The following XIRP2 variants were observed in gnomAD, a reference collection of about 807,000 sequenced individuals.
The protein encoded by XIRP2 is xin actin binding repeat containing 2.
A neutral mutation model predicts 277.0 loss-of-function variants in XIRP2; 236 were observed. That is an observed-to-expected ratio of 0.85 (90% CI 0.77 to 0.95). The LOEUF is 0.95. XIRP2 is among the 40% of genes least tolerant of loss of function. The pLI, the probability that XIRP2 is intolerant of heterozygous loss-of-function variation, is 0.00. For synonymous variants in XIRP2, 1,490 were observed against 1,416.5 expected (o/e 1.05, Z -1.17); for missense variants, 4,640 against 4,157.5 (o/e 1.12, Z -3.19).
chr2:167,033,348 T>A (rs1688418777), intron 2 of XIRP2, among the ~76,000 whole-genome samples: 1 of 151,794 alleles, frequency 6.6e-6, no homozygotes. Context: ...AGATGAGGGG[T>A]TAATGGGTGC....
intron 2 of XIRP2, among the ~76,000 whole-genome samples, chr2:167,091,188 T>C (rs577383804): frequency 1.3e-5 from 2 of 152,234 alleles, no homozygotes; most frequent in East Asian, 3.9e-4. Context: ...ATCTTCCTTA[T>C]GTTTATCATT....
At chr2:167,144,859 C>G (rs557913224) in intron 3 of XIRP2, among the ~76,000 whole-genome samples, 1 of 152,100 alleles carries the variant, frequency 6.6e-6, no homozygotes, top group Non-Finnish European at 1.5e-5. Flanking sequence ...CTAGATTTTG[C>G]ATAGAATAAT....
rs546521354 is a variant in XIRP2, at chr2:167,081,337, G to A, written c.409-54572G>A. ...AAAATTAAAAAACTTAGTTGGGCCT[G>A]TAGTCTGAGTTACTCAGGAAGCAGA... On this transcript the variant is annotated intron_variant, in intron 2 of 10. Coordinates refer to ENST00000409195, the MANE Select transcript of XIRP2 (RefSeq NM_152381.6). 1.3e-3 allele frequency among the ~76,000 whole-genome samples: 201 copies of A among 152,268 alleles called. 1 individual carries two copies. Among genetic ancestry groups the A allele is most frequent in the Non-Finnish European group, 1.7e-3 (116 of 68,020 alleles).
intron 3 of XIRP2, among the ~76,000 whole-genome samples, chr2:167,173,693 T>C (rs1427549586): frequency 6.6e-6 from 1 of 152,180 alleles, no homozygotes; most frequent in African/African-American, 2.4e-5. Flanking sequence ...TTTTAGGTTT[T>C]TGAGGAACCC....
intron 3 of XIRP2, among the ~76,000 whole-genome samples, chr2:167,137,868 CA>C (rs772221539): frequency 1.3e-5 from 2 of 151,928 alleles, no homozygotes; most frequent in East Asian, 1.9e-4. Context: ...TTAAAAGAAA[CA>C]AAATTCTTTC....
chr2:167,167,051 G>T (rs925661929), intron 3 of XIRP2, among the ~76,000 whole-genome samples: 3 of 152,068 alleles, frequency 2.0e-5, no homozygotes, highest in African/African-American at 7.2e-5. Context: ...ATATTGTTGT[G>T]TTGAACAACT....
chr2:166,937,529 T>C (rs1372319106), intron 2 of XIRP2, among the ~76,000 whole-genome samples: 1 of 152,202 alleles, frequency 6.6e-6, no homozygotes, highest in Non-Finnish European at 1.5e-5. Context: ...GCATCGATGT[T>C]CCTCAGGGAT....
intron 3 of XIRP2, among the ~76,000 whole-genome samples, chr2:167,168,226 AT>A (rs1328106492): frequency 6.6e-6 from 1 of 151,996 alleles, no homozygotes; most frequent in African/African-American, 2.4e-5. Flanking sequence ...ACTTTCTGAC[AT>A]TTATCTTGTT....
intron 2 of XIRP2, among the ~76,000 whole-genome samples, chr2:167,063,266 T>C (rs892835254): frequency 2.6e-5 from 4 of 152,018 alleles, no homozygotes; most frequent in African/African-American, 9.7e-5. Context: ...GTTCAGACAA[T>C]ATACTTTGTA....
At chr2:167,104,939 A>G (rs753908171) in intron 2 of XIRP2, among the ~76,000 whole-genome samples, 1 of 152,036 alleles carries the variant, frequency 6.6e-6, no homozygotes, top group Non-Finnish European at 1.5e-5. Context: ...GAATCATCCA[A>G]TATAAACGTT....
chr2:167,152,335 C>T (rs1246568072), intron 3 of XIRP2, among the ~76,000 whole-genome samples: 1 of 151,214 alleles, frequency 6.6e-6, no homozygotes, highest in Non-Finnish European at 1.5e-5. Flanking sequence ...GATTTTGCTG[C>T]CCCCCGCCCC....
intron 2 of XIRP2, among the ~76,000 whole-genome samples, chr2:167,034,006 T>A (rs1025964369): frequency 1.3e-5 from 2 of 152,140 alleles, no homozygotes; most frequent in Non-Finnish European, 2.9e-5. Context: ...TTGTGTTATA[T>A]AAACTACTTA....
intron 8 of XIRP2, among the ~76,000 whole-genome samples, chr2:167,242,182 C>A (rs1559036632): frequency 6.6e-6 from 1 of 152,000 alleles, no homozygotes; most frequent in Non-Finnish European, 1.5e-5. Flanking sequence ...ATTTTAAATG[C>A]CAGATGCTTA....
intron 2 of XIRP2, among the ~76,000 whole-genome samples, chr2:167,006,301 C>T (rs888992708): frequency 1.3e-5 from 2 of 151,478 alleles, no homozygotes; most frequent in Admixed American, 6.6e-5. Flanking sequence ...TTGTAGATGG[C>T]AAAGGAGCCC....
intron 2 of XIRP2, among the ~76,000 whole-genome samples, chr2:167,083,356 A>G (rs1346116516): frequency 3.3e-5 from 5 of 152,206 alleles, no homozygotes; most frequent in Non-Finnish European, 5.9e-5. Flanking sequence ...GCCTTGTAGT[A>G]TAGATTGAAG....
chr2:167,188,195 A>G (rs1288957459), intron 3 of XIRP2, among the ~76,000 whole-genome samples: 1 of 152,176 alleles, frequency 6.6e-6, no homozygotes, highest in Non-Finnish European at 1.5e-5. Context: ...TAAAGATATC[A>G]TGCCCTATAT....
chr2:166,954,279 G>A (rs369041880), intron 2 of XIRP2, among the ~76,000 whole-genome samples: 25 of 151,822 alleles, frequency 1.6e-4, no homozygotes, highest in South Asian at 4.2e-4. Context: ...AATAAAACAC[G>A]TATTTAGTAA....
intron 3 of XIRP2, among the ~76,000 whole-genome samples, chr2:167,146,117 T>TC (rs1199734205): frequency 2.0e-5 from 3 of 151,896 alleles, no homozygotes; most frequent in Non-Finnish European, 4.4e-5. Flanking sequence ...ATATTAAGTT[T>TC]TTTTTTTTTA....
intron 2 of XIRP2, among the ~76,000 whole-genome samples, chr2:166,912,184 A>G (rs1230903984): frequency 6.6e-6 from 1 of 152,174 alleles, no homozygotes; most frequent in Non-Finnish European, 1.5e-5. Flanking sequence ...GTTCTCCTGG[A>G]TAATATCCTG....
Sources: gnomAD v4.1 joint callset for allele counts (sites outside exome capture counted in the v4.1 genomes callset) on GRCh38, gnomAD v4.1.1 for gene constraint, MANE v1.5 for transcripts, NCBI Gene and HGNC (gene_info 2026-07-23, HGNC 2026-07-21) for gene names.